Variants in PDE8B observed in about 807,000 individuals in gnomAD.
The protein encoded by PDE8B is phosphodiesterase 8B.
In PDE8B, 26 loss-of-function variants were observed where a neutral mutation model predicts 101.3. That is an observed-to-expected ratio of 0.26 (90% CI 0.19 to 0.36). The LOEUF (loss-of-function observed/expected upper bound fraction) is 0.36, where lower values mean the gene tolerates loss of function less well. Among genes scored for constraint, PDE8B ranks in the 10% least tolerant of loss-of-function variants. PDE8B has a pLI of 1.00. For synonymous variants in PDE8B, 424 were observed against 429.3 expected, an observed-to-expected ratio of 0.99 and a Z score of 0.15; for missense variants, 810 against 1,163.1, an observed-to-expected ratio of 0.70 and a Z score of 4.42.
the PDE8B span, among the ~76,000 whole-genome samples, chr5:77,104,112 G>A: frequency 3.3e-5 from 5 of 152,162 alleles, no homozygotes; most frequent in Non-Finnish European, 7.3e-5. Flanking sequence ...AGAAAGCTAA[G>A]TGGGATCCAA....
intron 10 of PDE8B, among the ~76,000 whole-genome samples, chr5:77,385,477 T>C (rs557652502): frequency 6.6e-6 from 1 of 151,964 alleles, no homozygotes; most frequent in African/African-American, 2.4e-5. Context: ...TCTATCTTCT[T>C]CAATTCTGCT....
rs1220067316 is a variant in PDE8B, at chr5:77,427,157, G to GT, written c.*605dup. On this transcript the variant is annotated 3_prime_UTR_variant, in exon 22 of 22. Coordinates refer to ENST00000264917, the MANE Select transcript of PDE8B (RefSeq NM_003719.5). The stretch of plus-strand genomic sequence containing the variant: ...TTCTGGCCGATGGTATGACACCTAA[G>GT]TTAGAACACAGCCTTGGCTGGTGGG... The GT allele has an allele frequency of 6.4e-6, 1 of 155,206 alleles. No homozygotes were observed. The highest frequency in any genetic ancestry group is 2.4e-5 in the African/African-American group (1 of 41,436). 9.6% of individuals were successfully genotyped at this position (155,206 alleles called of 1,614,324 possible).
intron 8 of PDE8B, 64 bp from the exon 9 acceptor site, chr5:77,351,001 C>T: frequency 1.7e-6 from 2 of 1,143,438 alleles, no homozygotes; most frequent in Non-Finnish European, 2.7e-6. Flanking sequence ...CCTTCTGAGA[C>T]CCTCTGCAGG....
intron 6 of PDE8B, among the ~76,000 whole-genome samples, chr5:77,339,605 G>A (rs550125878): frequency 3.9e-5 from 6 of 152,278 alleles, no homozygotes; most frequent in Non-Finnish European, 8.8e-5. Context: ...AGGCAGGCAA[G>A]CAACTCTATC....
chr5:77,179,413 C>T, the PDE8B span, among the ~76,000 whole-genome samples: 1 of 152,296 alleles, frequency 6.6e-6, no homozygotes, highest in South Asian at 2.1e-4. Flanking sequence ...TGCAAATGCT[C>T]TCTAGACCTT....
chr5:77,393,661 T>A (rs924584923), intron 10 of PDE8B, among the ~76,000 whole-genome samples: 3 of 152,346 alleles, frequency 2.0e-5, no homozygotes, highest in South Asian at 2.1e-4. Flanking sequence ...TCTTTTCAAT[T>A]GGCTTTGCTG....
the PDE8B span, among the ~76,000 whole-genome samples, chr5:77,181,091 C>T: frequency 6.6e-6 from 1 of 150,718 alleles, no homozygotes; most frequent in Non-Finnish European, 1.5e-5. Flanking sequence ...CAACCCCCAC[C>T]CCCACCACCA....
At chr5:77,355,828 C>T (rs1782008102) in intron 10 of PDE8B, among the ~76,000 whole-genome samples, 1 of 152,228 alleles carries the variant, frequency 6.6e-6, no homozygotes, top group South Asian at 2.1e-4. Flanking sequence ...GAGCTCAAAA[C>T]CCAGGACCTA....
intron 6 of PDE8B, among the ~76,000 whole-genome samples, chr5:77,342,668 C>T (rs1052436689): frequency 2.6e-5 from 4 of 152,024 alleles, no homozygotes; most frequent in African/African-American, 9.7e-5. Flanking sequence ...CAGTAAATAG[C>T]TTACTGTATT....
intron 10 of PDE8B, among the ~76,000 whole-genome samples, chr5:77,382,865 C>T (rs1354496301): frequency 2.6e-5 from 4 of 152,104 alleles, no homozygotes; most frequent in Non-Finnish European, 5.9e-5. Flanking sequence ...GGTTCCAAGT[C>T]TTTGCTATTG....
At chr5:77,102,195 T>G in the PDE8B span, among the ~76,000 whole-genome samples, 1 of 152,216 alleles carries the variant, frequency 6.6e-6, no homozygotes, top group South Asian at 2.1e-4. Flanking sequence ...CCCCAGATAC[T>G]GGGCTCAGCT....
intron 1 of PDE8B, among the ~76,000 whole-genome samples, chr5:77,285,488 A>AT (rs760608456): frequency 1.3e-5 from 2 of 151,882 alleles, no homozygotes; most frequent in Non-Finnish European, 2.9e-5. Flanking sequence ...CATCTGAATC[A>AT]TTGTCCCACT....
intron 1 of PDE8B, among the ~76,000 whole-genome samples, chr5:77,264,979 A>G (rs76247395): frequency 0.03 from 4,493 of 152,268 alleles, 216 homozygotes; most frequent in African/African-American, 0.1. Flanking sequence ...CTAGGCCTCA[A>G]CTGAGCTGCT....
chr5:77,090,706 G>A, the PDE8B span, among the ~76,000 whole-genome samples: 3 of 152,140 alleles, frequency 2.0e-5, no homozygotes, highest in Non-Finnish European at 2.9e-5. Flanking sequence ...CATCCATGTT[G>A]TTGCAAATGG....
chr5:77,145,315 G>A, the PDE8B span: 2 of 152,120 alleles, frequency 1.3e-5, no homozygotes, highest in Non-Finnish European at 2.9e-5. Flanking sequence ...GTGATAAATC[G>A]AGGGAAGAAC....
chr5:77,240,344 G>C (rs902220635), intron 1 of PDE8B, among the ~76,000 whole-genome samples: 8 of 151,952 alleles, frequency 5.3e-5, no homozygotes, highest in Non-Finnish European at 1.0e-4. Context: ...TAGTAGAGAC[G>C]GGGTTTCACC....
the PDE8B span, among the ~76,000 whole-genome samples, chr5:77,090,913 C>G: frequency 2.6e-5 from 4 of 152,200 alleles, no homozygotes; most frequent in South Asian, 8.3e-4. Context: ...ATTTTTATTT[C>G]TTTTGGAAAT....
chr5:77,191,754 C>T, the PDE8B span, among the ~76,000 whole-genome samples: 11 of 152,120 alleles, frequency 7.2e-5, no homozygotes, highest in East Asian at 1.9e-4. Flanking sequence ...GGGATTGTTT[C>T]GGGTTGATTC....
intron 1 of PDE8B, among the ~76,000 whole-genome samples, chr5:77,306,263 G>A (rs141806358): frequency 1.4e-4 from 21 of 152,282 alleles, no homozygotes; most frequent in Non-Finnish European, 2.4e-4. Flanking sequence ...GAGTTAGGAA[G>A]AATGAAGTCT....
Sources: gnomAD v4.1 joint callset for allele counts (sites outside exome capture counted in the v4.1 genomes callset) on GRCh38, gnomAD v4.1.1 for gene constraint, MANE v1.5 for transcripts, NCBI Gene and HGNC (gene_info 2026-07-23, HGNC 2026-07-21) for gene names.